The following THRB variants were observed in gnomAD, a reference collection of about 807,000 sequenced individuals.
The protein encoded by THRB is nuclear receptor subfamily 1 group A member 2.
Under a neutral mutation model 47.8 loss-of-function variants are expected in THRB, and 12 were observed. The observed-to-expected ratio is 0.25, with a 90% CI of 0.16 to 0.41. The LOEUF (loss-of-function observed/expected upper bound fraction) is 0.41. Ranked by LOEUF, THRB falls within the 10% of genes least tolerant of loss-of-function variation. The pLI, the probability that THRB is intolerant of heterozygous loss-of-function variation, is 1.00. For missense variants in THRB, 348 were observed against 589.2 expected (o/e 0.59, Z 4.24); for synonymous variants, 218 against 212.2 (o/e 1.03, Z -0.24).
At chr3:24,238,288 G>C (rs1467596666) in intron 3 of THRB, among the ~76,000 whole-genome samples, 3 of 134,680 alleles carry the variant, frequency 2.2e-5, no homozygotes, top group Non-Finnish European at 5.0e-5. Flanking sequence ...TGGGGGGGGG[G>C]GGGGTGTGTG....
chr3:24,406,383 A>T (rs1251736059), intron 1 of THRB, among the ~76,000 whole-genome samples: 1 of 151,820 alleles, frequency 6.6e-6, no homozygotes, highest in Non-Finnish European at 1.5e-5. Context: ...ACCTATAAAA[A>T]TGATAGAAAT....
In THRB at chr3:24,466,277, A is replaced by G. The variant is rs138750494; in HGVS notation, c.-261+28375T>C. ...ATTGTTTTTTTTCCTCTTATTTACC[A>G]TCTCCATTTTTTTCATTCTTTCTGG... On this transcript the variant is annotated intron_variant, in intron 1 of 10. Transcript: ENST00000646209. Among the ~76,000 whole-genome samples, 19 of 150,682 alleles carry G rather than the reference A, an allele frequency of 1.3e-4. No homozygotes were observed. In the East Asian group the frequency reaches 3.5e-3, roughly 28 times the overall value.
At chr3:24,343,549 A>T (rs182920909) in intron 1 of THRB, among the ~76,000 whole-genome samples, 15 of 152,210 alleles carry the variant, frequency 9.9e-5, no homozygotes, top group Middle Eastern at 3.4e-3. Context: ...AGACAAAGCA[A>T]CTCCTGTTTC....
Position 24,209,194 on chromosome 3 carries a change from A to G in THRB, c.23-18860T>C, listed in dbSNP as rs62253689. Reference sequence around the variant, plus strand: ...AAAAGGTCAGGAAACAACAGATGCTAGAGAGGATGTGGAGAAATAGGAACA... The same window carrying G: ...AAAAGGTCAGGAAACAACAGATGCTGGAGAGGATGTGGAGAAATAGGAACA... On this transcript the variant is annotated intron_variant, in intron 4 of 10. Coordinates refer to ENST00000646209, the MANE Select transcript of THRB (RefSeq NM_001354712.2). Among the ~76,000 whole-genome samples the G allele has an allele frequency of 5.8e-3, 879 of 152,350 alleles. 8 individuals are homozygous for G. Among genetic ancestry groups the G allele is most frequent in the South Asian group, 0.041 (200 of 4,820 alleles).
At chr3:24,174,609 A>G (rs999179198) in intron 5 of THRB, among the ~76,000 whole-genome samples, 1 of 152,172 alleles carries the variant, frequency 6.6e-6, no homozygotes, top group Non-Finnish European at 1.5e-5. Flanking sequence ...GTCTTTTGCA[A>G]TGTAGCTCCT....
At chr3:24,290,684 G>T (rs1397795602) in intron 3 of THRB, among the ~76,000 whole-genome samples, 1 of 152,106 alleles carries the variant, frequency 6.6e-6, no homozygotes, top group Non-Finnish European at 1.5e-5. Flanking sequence ...CAAGAAGCCT[G>T]ATTTTTCTAG....
intron 1 of THRB, among the ~76,000 whole-genome samples, chr3:24,443,689 A>C (rs927548095): frequency 6.6e-6 from 1 of 152,194 alleles, no homozygotes; most frequent in African/African-American, 2.4e-5. Context: ...ATTTTAATAG[A>C]TCAAAGGCAA....
At chr3:24,453,898 A>G (rs975301310) in intron 1 of THRB, among the ~76,000 whole-genome samples, 2 of 152,080 alleles carry the variant, frequency 1.3e-5, no homozygotes, top group African/African-American at 4.8e-5. Context: ...CTAGCCCTCA[A>G]GACAGCTTCA....
chr3:24,133,249 C>G lies in THRB; in HGVS notation c.885+67G>C, dbSNP rs750378973. On this transcript the variant is annotated intron_variant, in intron 9 of 10. Transcript: ENST00000646209. ...ATTAACATTAAATTGTAAATAATAC[C>G]CAGTATTCCTGGAAACTGATGAAAC... 8.3e-5 allele frequency: 128 copies of G among 1,537,200 alleles called. 1 individual carries two copies. The highest frequency in any genetic ancestry group is 1.1e-4 in the Non-Finnish European group (119 of 1,111,298).
chr3:24,477,712 C>A (rs1284757897), intron 1 of THRB, among the ~76,000 whole-genome samples: 1 of 151,974 alleles, frequency 6.6e-6, no homozygotes, highest in Admixed American at 6.6e-5. Flanking sequence ...GTACAGCACA[C>A]ACAAGGCAGC....
chr3:24,266,906 C>T (rs186837395), intron 3 of THRB, among the ~76,000 whole-genome samples: 180 of 148,816 alleles, frequency 1.2e-3, no homozygotes, highest in African/African-American at 4.3e-3. Context: ...GAGGACAGGA[C>T]GAGGAAGGAA....
At chr3:24,180,992 G>A (rs2041826337) in intron 5 of THRB, among the ~76,000 whole-genome samples, 1 of 152,154 alleles carries the variant, frequency 6.6e-6, no homozygotes. Flanking sequence ...AAATGAGAAT[G>A]TTTTCAGAAT....
At chr3:24,263,671 A>G (rs2052331073) in intron 3 of THRB, among the ~76,000 whole-genome samples, 1 of 151,148 alleles carries the variant, frequency 6.6e-6, no homozygotes, top group Non-Finnish European at 1.5e-5. Context: ...GCCTAGACAG[A>G]GTGGGCACTC....
chr3:24,169,592 G>C (rs1019680835), intron 5 of THRB, among the ~76,000 whole-genome samples: 2 of 151,238 alleles, frequency 1.3e-5, no homozygotes, highest in Non-Finnish European at 2.9e-5. Flanking sequence ...TTATTGTGAA[G>C]ATTAAGTGAG....
chr3:24,163,772 T>C (rs1048552312), intron 5 of THRB, among the ~76,000 whole-genome samples: 3 of 151,408 alleles, frequency 2.0e-5, no homozygotes, highest in Admixed American at 2.0e-4. Context: ...ACTCTAAATA[T>C]ATTTCATGCT....
At position 24,252,651 on chromosome 3, in the gene THRB, G is replaced by A. The variant is rs141169381; in HGVS notation, c.-42-23650C>T. 6.6e-5 allele frequency among the ~76,000 whole-genome samples: 10 copies of A among 150,916 alleles called. 1 individual carries two copies. Among genetic ancestry groups the A allele is most frequent in the East Asian group, 1.9e-4 (1 of 5,158 alleles). On this transcript the variant is annotated intron_variant, in intron 3 of 10. Transcript: ENST00000646209. ...GCCTATAAAAGGAGATATGTAAAAC[G>A]CAAATGTCCATCAACAGGAACTAGT...
chr3:24,407,204 A>G (rs984587129), intron 1 of THRB, among the ~76,000 whole-genome samples: 1 of 151,754 alleles, frequency 6.6e-6, no homozygotes, highest in African/African-American at 2.4e-5. Context: ...TCCAGGCCCC[A>G]CCATGCCCTG....
At chr3:24,293,084 A>G (rs1214431827) in intron 3 of THRB, among the ~76,000 whole-genome samples, 1 of 152,266 alleles carries the variant, frequency 6.6e-6, no homozygotes, top group Non-Finnish European at 1.5e-5. Flanking sequence ...AGAATCAAGT[A>G]TAAAATATAA....
At chr3:24,389,478 G>T (rs1367199831) in intron 1 of THRB, among the ~76,000 whole-genome samples, 1 of 152,192 alleles carries the variant, frequency 6.6e-6, no homozygotes, top group African/African-American at 2.4e-5. Flanking sequence ...CTTTAAGAAA[G>T]AAATGTAGTT....
Sources: gnomAD v4.1 joint callset for allele counts (sites outside exome capture counted in the v4.1 genomes callset) on GRCh38, gnomAD v4.1.1 for gene constraint, MANE v1.5 for transcripts, NCBI Gene and HGNC (gene_info 2026-07-23, HGNC 2026-07-21) for gene names.